Variants in DNMBP observed in about 807,000 individuals in gnomAD.
DNMBP encodes dynamin-binding protein.
In DNMBP, 87 loss-of-function variants were observed where a neutral mutation model predicts 150.0. The ratio of observed to expected loss-of-function variants is 0.58; its 90% CI spans 0.49 to 0.69. The LOEUF (loss-of-function observed/expected upper bound fraction) is 0.69. Ranked by LOEUF, DNMBP falls within the 30% of genes least tolerant of loss-of-function variation. The probability of loss-of-function intolerance (pLI) is 0.00; values close to 1 mark genes in which losing one functional copy is unlikely to be tolerated. For synonymous variants in DNMBP, 711 were observed against 750.4 expected, an observed-to-expected ratio of 0.95 and a Z score of 0.86; for missense variants, 1,774 against 1,949.0, an observed-to-expected ratio of 0.91 and a Z score of 1.69.
At chr10:99,915,113 A>ATC (rs2039948538) in intron 4 of DNMBP, among the ~76,000 whole-genome samples, 1 of 136,092 alleles carries the variant, frequency 7.3e-6, no homozygotes, top group Non-Finnish European at 1.6e-5. Flanking sequence ...AAAAAAATAT[A>ATC]TATATATATA....
In DNMBP at chr10:99,880,316, G is replaced by C. The variant is rs758722155; in HGVS notation, c.4043C>G (p.Pro1348Arg). Residue 1348 changes from proline to arginine, a missense_variant, in exon 16 of 17, where the codon CCT (proline) becomes CGT (arginine). Physicochemically the swap from Pro to Arg is moderately radical, Grantham distance 103. Transcript: ENST00000324109. The stretch of plus-strand genomic sequence containing the variant: ...GGAGGCATCGGAGTGGCTGCGGCGA[G>C]GATTGTAGGGCTTTAGGAAAGAGCT... ...VYSSFLKPYNPRRSHSDASVG... is the reference protein window; with the variant it reads ...VYSSFLKPYNRRRSHSDASVG... 23 of 1,610,994 alleles carry C rather than the reference G, an allele frequency of 1.4e-5. No homozygotes were observed. Among genetic ancestry groups the C allele is most frequent in the Non-Finnish European group, 2.0e-5 (23 of 1,179,176 alleles).
chr10:99,984,055 T>C (rs1442773815), intron 1 of DNMBP, among the ~76,000 whole-genome samples: 1 of 152,240 alleles, frequency 6.6e-6, no homozygotes, highest in African/African-American at 2.4e-5. Context: ...ACAGTAGTTT[T>C]AACTAATTTA....
At chr10:99,959,077 T>C (rs1323346914) in intron 3 of DNMBP, among the ~76,000 whole-genome samples, 1 of 152,226 alleles carries the variant, frequency 6.6e-6, no homozygotes, top group Non-Finnish European at 1.5e-5. Context: ...CAGATGCAAA[T>C]AGAATCTGGT....
chr10:99,885,514 C>CA (rs531459862), intron 14 of DNMBP, among the ~76,000 whole-genome samples, 173 bp downstream of exon 14: 15,219 of 144,616 alleles, frequency 0.11, 1,383 homozygotes, highest in African/African-American at 0.25. Context: ...GACTCTGTCT[C>CA]AAAAAAAAAA....
chr10:99,948,543 G>C (rs1239305922), intron 4 of DNMBP, among the ~76,000 whole-genome samples: 1 of 152,066 alleles, frequency 6.6e-6, no homozygotes, highest in East Asian at 1.9e-4. Context: ...AAGATAATCA[G>C]ACACACAAAG....
At chr10:99,879,672 G>A (rs547126334) in intron 16 of DNMBP, 139 bp downstream of exon 16, 1 of 1,426,812 alleles carries the variant, frequency 7.0e-7, no homozygotes, top group East Asian at 2.4e-5. Context: ...GATTCCTTGT[G>A]TGCTTGAAAG....
At chr10:99,927,518 T>C (rs2040095407) in intron 4 of DNMBP, among the ~76,000 whole-genome samples, 1 of 152,218 alleles carries the variant, frequency 6.6e-6, no homozygotes, top group African/African-American at 2.4e-5. Context: ...ATGGTGGAGC[T>C]GAGATTTGAA....
intron 1 of DNMBP, among the ~76,000 whole-genome samples, chr10:99,984,755 G>A (rs1589449408): frequency 1.3e-5 from 2 of 152,104 alleles, no homozygotes; most frequent in South Asian, 2.1e-4. Flanking sequence ...TTTGACACAG[G>A]GTCTCACTCT....
intron 1 of DNMBP, among the ~76,000 whole-genome samples, chr10:99,986,100 G>T (rs1056860791): frequency 1.1e-4 from 17 of 152,094 alleles, no homozygotes; most frequent in African/African-American, 3.1e-4. Flanking sequence ...AAGTCACAGA[G>T]GATATACATC....
chr10:99,918,601 C>T (rs1759238027), intron 4 of DNMBP, among the ~76,000 whole-genome samples: 1 of 115,070 alleles, frequency 8.7e-6, no homozygotes, highest in South Asian at 2.8e-4. Context: ...AGGAGTCTCA[C>T]TGTCGCCCAG....
At chr10:100,009,550 T>C (rs2041110526) in intron 1 of DNMBP, among the ~76,000 whole-genome samples, 2 of 152,202 alleles carry the variant, frequency 1.3e-5, no homozygotes, top group Admixed American at 6.5e-5. Context: ...AGCCCTGGGC[T>C]TGACACCGCT....
At position 99,971,987 on chromosome 10, in the gene DNMBP, ATCC is replaced by A. The variant is rs775287613; in HGVS notation, c.135_137del (p.Glu45del). ...TATGAGTCTCTTACTTACCTGTAACATCCTCCTTCTTTCCTAGAAGCCAAAATT... is the reference window on the plus strand; with the variant it reads ...TATGAGTCTCTTACTTACCTGTAACATCCTTCTTTCCTAGAAGCCAAAATT... On this transcript the variant is annotated inframe_deletion, in exon 2 of 17. Coordinates refer to ENST00000324109, the MANE Select transcript of DNMBP (RefSeq NM_015221.4). 7.0e-5 allele frequency: 113 copies of A among 1,613,114 alleles called. No individual in the cohort carries two copies. The highest frequency in any genetic ancestry group is 9.1e-5 in the Non-Finnish European group (107 of 1,179,784).
chr10:99,984,797 G>C (rs909217476), intron 1 of DNMBP, among the ~76,000 whole-genome samples: 1 of 152,050 alleles, frequency 6.6e-6, no homozygotes, highest in Admixed American at 6.6e-5. Context: ...TGATGATCAC[G>C]GCTCACTGCA....
At chr10:99,954,921 C>T (rs562529377) in intron 4 of DNMBP, among the ~76,000 whole-genome samples, 4 of 151,506 alleles carry the variant, frequency 2.6e-5, no homozygotes, top group African/African-American at 9.7e-5. Context: ...GTGGTGATGG[C>T]GCATGTCTGC....
intron 4 of DNMBP, among the ~76,000 whole-genome samples, chr10:99,917,968 CAAAAAAAAAA>C (rs749252887): frequency 4.1e-3 from 214 of 52,272 alleles, no homozygotes; most frequent in African/African-American, 0.011. Flanking sequence ...GACTCTGTCT[CAAAAAAAAAA>C]AAAAAAAAAA....
At chr10:99,964,979 T>C (rs181952437) in intron 3 of DNMBP, among the ~76,000 whole-genome samples, 1 of 152,144 alleles carries the variant, frequency 6.6e-6, no homozygotes, top group African/African-American at 2.4e-5. Flanking sequence ...TGACATCTGC[T>C]GGAACAAAGA....
chr10:99,891,110 T>C (rs2039549311), intron 11 of DNMBP, among the ~76,000 whole-genome samples: 1 of 152,128 alleles, frequency 6.6e-6, no homozygotes, highest in African/African-American at 2.4e-5. Context: ...TAAAAAAAGA[T>C]TTTAAAATCT....
At chr10:99,975,519 G>A (rs937324642) in intron 1 of DNMBP, among the ~76,000 whole-genome samples, 1 of 152,046 alleles carries the variant, frequency 6.6e-6, no homozygotes, top group African/African-American at 2.4e-5. Flanking sequence ...AGCAAAAGTA[G>A]GTTATCTTTG....
Position 99,904,058 on chromosome 10 carries a change from G to A in DNMBP, c.2554+3937C>T, listed in dbSNP as rs189509562. Among the ~76,000 whole-genome samples, 8 of 151,960 alleles carry A rather than the reference G, an allele frequency of 5.3e-5. No homozygotes were observed. In the East Asian group the frequency reaches 1.2e-3, roughly 22 times the overall value. On this transcript the variant is annotated intron_variant, in intron 6 of 16. Coordinates refer to ENST00000324109, the MANE Select transcript of DNMBP (RefSeq NM_015221.4). ...ATTACTGGTGTGAGCCAACACGCCC[G>A]GCTGATCAAATAGAAAAGAAAATAT... is the stretch of plus-strand genomic sequence containing the variant.
Sources: gnomAD v4.1 joint callset for allele counts (sites outside exome capture counted in the v4.1 genomes callset) on GRCh38, gnomAD v4.1.1 for gene constraint, MANE v1.5 for transcripts, NCBI Gene and HGNC (gene_info 2026-07-23, HGNC 2026-07-21) for gene names.